SPOP: variants seen among roughly 807,000 people sequenced by gnomAD.
SPOP encodes the protein speckle type BTB/POZ protein, also known as speckle-type POZ protein.
SPOP carries 11 observed loss-of-function variants against 45.6 expected under a neutral mutation model. That is an observed-to-expected ratio of 0.24 (90% CI 0.15 to 0.40). SPOP has a LOEUF of 0.40. Among genes scored for constraint, SPOP ranks in the 10% least tolerant of loss-of-function variants. SPOP has a pLI of 1.00. For synonymous variants in SPOP, 166 were observed against 166.3 expected, an observed-to-expected ratio of 1.00 and a Z score of 0.01; for missense variants, 152 against 465.6, an observed-to-expected ratio of 0.33 and a Z score of 6.20.
intron 8 of SPOP, among the ~76,000 whole-genome samples, chr17:49,606,180 G>T (rs1952661657): frequency 6.6e-6 from 1 of 151,698 alleles, no homozygotes; most frequent in South Asian, 2.1e-4. Context: ...TTGAAACAAG[G>T]TCTCGTTCTG....
chr17:49,643,960 A>G (rs1008096052), intron 1 of SPOP, among the ~76,000 whole-genome samples: 3 of 151,680 alleles, frequency 2.0e-5, no homozygotes, highest in African/African-American at 7.3e-5. Flanking sequence ...AAAGTATTCT[A>G]GGAGTTAAAA....
At chr17:49,601,346 T>C (rs1056456394) in intron 9 of SPOP, 1 of 152,386 alleles carries the variant, frequency 6.6e-6, no homozygotes, top group African/African-American at 2.4e-5. Context: ...TTTCATATTA[T>C]TATTATTCCA....
chr17:49,676,346 C>T (rs1336978012), intron 1 of SPOP, among the ~76,000 whole-genome samples: 1 of 152,164 alleles, frequency 6.6e-6, no homozygotes, highest in Non-Finnish European at 1.5e-5. Flanking sequence ...TTCTCTGTTC[C>T]CTGTGTGTCA....
intron 1 of SPOP, among the ~76,000 whole-genome samples, chr17:49,650,317 T>A (rs990718213): frequency 1.8e-4 from 28 of 152,194 alleles, no homozygotes; most frequent in South Asian, 2.1e-4. Context: ...CAGTGGCTTA[T>A]GCCTGTAATC....
chr17:49,635,917 A>G (rs1245970543), intron 1 of SPOP, among the ~76,000 whole-genome samples: 1 of 152,052 alleles, frequency 6.6e-6, no homozygotes, highest in Non-Finnish European at 1.5e-5. Flanking sequence ...TATAGGTGTG[A>G]GCCACCGCAC....
chr17:49,618,413 C>T (rs984569718), intron 5 of SPOP: 1 of 375,156 alleles, frequency 2.7e-6, no homozygotes, highest in Non-Finnish European at 5.2e-6. Flanking sequence ...GGTGAGAGGA[C>T]TTTCCTAACT....
intron 1 of SPOP, among the ~76,000 whole-genome samples, chr17:49,630,846 G>T (rs1359703930): frequency 6.6e-6 from 1 of 152,106 alleles, no homozygotes; most frequent in Non-Finnish European, 1.5e-5. Context: ...CAGCCTTACA[G>T]AAAAATGGGC....
chr17:49,624,756 G>A (rs1347547305), intron 1 of SPOP, among the ~76,000 whole-genome samples: 1 of 151,274 alleles, frequency 6.6e-6, no homozygotes. Context: ...TTACAGGGAT[G>A]AGCCACCATG....
intron 1 of SPOP, among the ~76,000 whole-genome samples, chr17:49,624,464 A>C (rs536282443): frequency 1.3e-5 from 2 of 152,150 alleles, no homozygotes; most frequent in African/African-American, 4.8e-5. Flanking sequence ...CCTCAAATAT[A>C]TACAATTTTT....
intron 1 of SPOP, among the ~76,000 whole-genome samples, chr17:49,637,469 G>A (rs1486487090): frequency 2.0e-5 from 3 of 152,094 alleles, no homozygotes; most frequent in Non-Finnish European, 4.4e-5. Context: ...TCCTGCCTCA[G>A]CCTCCCAAGT....
At chr17:49,640,041 G>C (rs1481979940) in intron 1 of SPOP, among the ~76,000 whole-genome samples, 1 of 152,150 alleles carries the variant, frequency 6.6e-6, no homozygotes, top group African/African-American at 2.4e-5. Context: ...CTTGAGATCA[G>C]GAGTTCAAGA....
At chr17:49,648,527 A>T in intron 1 of SPOP, among the ~76,000 whole-genome samples, 1 of 152,144 alleles carries the variant, frequency 6.6e-6, no homozygotes, top group East Asian at 1.9e-4. Flanking sequence ...ACCATAGCCA[A>T]AAGTAGTAGC....
intron 1 of SPOP, among the ~76,000 whole-genome samples, chr17:49,673,851 A>G (rs1393655795): frequency 6.6e-6 from 1 of 152,164 alleles, no homozygotes; most frequent in South Asian, 2.1e-4. Context: ...CTTTACAACA[A>G]GATTACATCT....
chr17:49,605,873 A>G (rs2143142719), intron 8 of SPOP, among the ~76,000 whole-genome samples: 1 of 150,968 alleles, frequency 6.6e-6, no homozygotes, highest in Non-Finnish European at 1.5e-5. Context: ...CTGTAATCCC[A>G]GCTATTCAGG....
chr17:49,667,416 C>G (rs1597984768), intron 1 of SPOP, among the ~76,000 whole-genome samples: 1 of 150,776 alleles, frequency 6.6e-6, no homozygotes, highest in Non-Finnish European at 1.5e-5. Context: ...ATGGCGAAAC[C>G]TCGTCTCTAC....
At chr17:49,622,283 A>G in intron 2 of SPOP, 1 of 641,330 alleles carries the variant, frequency 1.6e-6, no homozygotes, top group Non-Finnish European at 2.8e-6. Context: ...TGCTGAGAAC[A>G]CTGGATGGAA....
intron 1 of SPOP, among the ~76,000 whole-genome samples, chr17:49,645,492 G>A (rs1228910202): frequency 6.6e-6 from 1 of 151,720 alleles, no homozygotes; most frequent in South Asian, 2.1e-4. Context: ...TAGTAGAGAT[G>A]GGGCATGTTG....
rs757833097 is a variant in SPOP at position 49,611,340 on chromosome 17, T to C, written c.598A>G (p.Thr200Ala). 1 of 1,614,078 alleles carries C rather than the reference T, an allele frequency of 6.2e-7. No homozygotes were observed. Among genetic ancestry groups the C allele is most frequent in the African/African-American group, 1.3e-5 (1 of 74,924 alleles). ...CCGGCAACACACAAGCAGCAGTCTG[T>C]GAACCGGGAATTCTCCCACAGTCCT... ...LGGLWENSRF[T>A]DCCLCVAGQE... The change falls in exon 6 of 10, where the codon ACA becomes GCA. Residue 200 changes from threonine to alanine, a missense_variant. By Grantham distance (58) the Thr-to-Ala change is moderately conservative (BLOSUM62 0). Transcript: ENST00000504102.
chr17:49,653,976 T>G (rs2143501376), intron 1 of SPOP, among the ~76,000 whole-genome samples: 1 of 152,236 alleles, frequency 6.6e-6, no homozygotes, highest in Non-Finnish European at 1.5e-5. Context: ...GTGAGCAACT[T>G]GTATTGCAAA....
Sources: gnomAD v4.1 joint callset for allele counts (sites outside exome capture counted in the v4.1 genomes callset) on GRCh38, gnomAD v4.1.1 for gene constraint, MANE v1.5 for transcripts, NCBI Gene and HGNC (gene_info 2026-07-23, HGNC 2026-07-21) for gene names.